ITLN2: variants seen among roughly 807,000 people sequenced by gnomAD.
ITLN2 encodes the protein intelectin 2, also known as intelectin-2.
In ITLN2, 29 loss-of-function variants were observed where a neutral mutation model predicts 39.4. That is an observed-to-expected ratio of 0.74 (90% confidence interval 0.55 to 1.00). The LOEUF (loss-of-function observed/expected upper bound fraction) is 1.00. Ranked by LOEUF, ITLN2 falls within the 50% of genes least tolerant of loss-of-function variation. ITLN2 has a pLI of 0.00. For synonymous variants in ITLN2, 156 were observed against 153.4 expected, an observed-to-expected ratio of 1.02 and a Z score of -0.12; for missense variants, 412 against 416.7, an observed-to-expected ratio of 0.99 and a Z score of 0.10.
In ITLN2 at chr1:160,952,668, G is replaced by C; in HGVS notation, c.145C>G (p.Leu49Val). The change falls in exon 3 of 8, where the codon CTG becomes GTG. Residue 49 changes from leucine to valine, a missense_variant. By Grantham distance (32) the Leu-to-Val change is conservative. Coordinates refer to ENST00000368029, the MANE Select transcript of ITLN2 (RefSeq NM_080878.3). ...TTGATTTCTTTGCAGCTTCTAGGCA[G>C]GGAAGAAAAGGAGAAGGCACAGGTT... ...FETCAFSFSS[L>V]PRSCKEIKER... 1 of 1,614,144 alleles carries C rather than the reference G, an allele frequency of 6.2e-7. No individual in the cohort carries two copies. Among genetic ancestry groups the C allele is most frequent in the Non-Finnish European group, 8.5e-7 (1 of 1,180,002 alleles).
chr1:160,950,134 A>C lies in ITLN2; in HGVS notation c.633T>G (p.Cys211Trp), dbSNP rs368428647. 5.6e-6 allele frequency: 9 copies of C among 1,613,750 alleles called. No individual in the cohort carries two copies. The highest frequency in any genetic ancestry group is 2.2e-5 in the East Asian group (1 of 44,896). Reference protein sequence around the residue: ...KYPVKYRSGKCWNDNGPAIPV... With the variant: ...KYPVKYRSGKWWNDNGPAIPV... ...GTATGGCTGGGCCATTGTCATTCCA[A>C]CATTTCCCTGATCTGTATTTCACTG... The change falls in exon 6 of 8, where the codon TGT becomes TGG. Residue 211 changes from cysteine to tryptophan, a missense_variant. Cys to Trp is a radical substitution (Grantham distance 215). Coordinates refer to ENST00000368029, the MANE Select transcript of ITLN2 (RefSeq NM_080878.3).
chr1:160,945,637 A>C (rs1671584125), intron 7 of ITLN2, among the ~76,000 whole-genome samples: 1 of 152,188 alleles, frequency 6.6e-6, no homozygotes, highest in Non-Finnish European at 1.5e-5. Flanking sequence ...TCCCTCCATG[A>C]GAGAATAGCT....
At chr1:160,952,539 C>G in intron 3 of ITLN2, 81 bp downstream of exon 3, 1 of 942,334 alleles carries the variant, frequency 1.1e-6, no homozygotes, top group East Asian at 2.4e-5. Flanking sequence ...ATGGATATGT[C>G]CCTCCTGATT....
intron 7 of ITLN2, 74 bp from the exon 8 acceptor site, chr1:160,945,366 C>T (rs1671577748): frequency 3.6e-6 from 5 of 1,380,132 alleles, no homozygotes; most frequent in South Asian, 1.6e-5. Flanking sequence ...AGGCTGGTCT[C>T]GAACTCCAGA....
chr1:160,945,252 G>A lies in ITLN2; in HGVS notation c.866C>T (p.Pro289Leu), dbSNP rs763748248. Residue 289 changes from proline to leucine, a missense_variant, in exon 8 of 8, where the codon CCC becomes CTC. Physicochemically the swap from Pro to Leu is moderately conservative, Grantham distance 98. Coordinates refer to ENST00000368029, the MANE Select transcript of ITLN2 (RefSeq NM_080878.3). ...GGGGFFPQGKPRQCGDFSAFD... is the reference protein window; with the variant it reads ...GGGGFFPQGKLRQCGDFSAFD... Reference sequence around the variant, plus strand: ...GGCGGAGAAGTCCCCACACTGACGGGGTTTGCCCTGTGGGAAGAACCCTCC... The same window carrying A: ...GGCGGAGAAGTCCCCACACTGACGGAGTTTGCCCTGTGGGAAGAACCCTCC... The A allele has an allele frequency of 1.2e-5, 19 of 1,595,294 alleles. No individual in the cohort carries two copies. The highest frequency in any genetic ancestry group is 1.6e-5 in the Non-Finnish European group (19 of 1,175,236).
At chr1:160,952,351 G>A (rs1445927836) in intron 3 of ITLN2, among the ~76,000 whole-genome samples, 3 of 152,046 alleles carry the variant, frequency 2.0e-5, no homozygotes, top group East Asian at 1.9e-4. Flanking sequence ...TATAAACCTG[G>A]GGCAAGTAGG....
chr1:160,947,530 C>G (rs1671634051), intron 7 of ITLN2, among the ~76,000 whole-genome samples: 1 of 152,222 alleles, frequency 6.6e-6, no homozygotes, highest in African/African-American at 2.4e-5. Context: ...GAGGCCATAT[C>G]TCAGGCTGTC....
intron 3 of ITLN2, 97 bp downstream of exon 3, chr1:160,952,523 C>G (rs1570976311): frequency 1.2e-6 from 1 of 817,172 alleles, no homozygotes. Context: ...GCAGAACAGG[C>G]TCCATATGGA....
At chr1:160,952,484 C>T (rs1200490937) in intron 3 of ITLN2, 136 bp downstream of exon 3, 3 of 615,890 alleles carry the variant, frequency 4.9e-6, no homozygotes, top group Non-Finnish European at 8.6e-6. Flanking sequence ...AAAATTCCCA[C>T]TAGAAACCTC....
intron 7 of ITLN2, among the ~76,000 whole-genome samples, chr1:160,946,230 G>A (rs1671596725): frequency 6.6e-6 from 1 of 152,124 alleles, no homozygotes; most frequent in Admixed American, 6.5e-5. Flanking sequence ...AGAAACACTT[G>A]AACCCGGGAG....
Position 160,945,233 on chromosome 1 carries a change from G to A in ITLN2, c.885C>T (p.Phe295=), listed in dbSNP as rs1432094290. 1.6e-5 allele frequency: 25 copies of A among 1,607,122 alleles called. No individual in the cohort carries two copies. The highest frequency in any genetic ancestry group is 2.1e-5 in the Non-Finnish European group (25 of 1,178,316). Residue 295 remains phenylalanine, a synonymous_variant, in exon 8 of 8, where the codon TTC becomes TTT. Transcript: ENST00000368029. The stretch of plus-strand genomic sequence containing the variant: ...CATATCCATCCCAGTCAAAGGCGGA[G>A]AAGTCCCCACACTGACGGGGTTTGC... The part of the protein sequence containing the change: ...PQGKPRQCGD[F]SAFDWDGYGT...
At chr1:160,954,308 C>G (rs1671815337) in intron 2 of ITLN2, 79 bp downstream of exon 2, 1 of 1,102,924 alleles carries the variant, frequency 9.1e-7, no homozygotes, top group East Asian at 2.6e-5. Flanking sequence ...AGAGCCCTGC[C>G]CAGCTCTACT....
In ITLN2 at chr1:160,952,536, T is replaced by A; in HGVS notation, c.193+84A>T. ...GGGCAGAACAGGCTCCATATGGATA[T>A]GTCCCTCCTGATTTCCATGACTGGG... is the stretch of plus-strand genomic sequence containing the variant. On this transcript the variant is annotated intron_variant, in intron 3 of 7. Coordinates refer to ENST00000368029, the MANE Select transcript of ITLN2 (RefSeq NM_080878.3). 3.2e-6 allele frequency: 3 copies of A among 925,284 alleles called. No individual in the cohort carries two copies. The South Asian group carries it at 4.1e-5, about 13-fold the overall frequency. The allele number at this position is 925,284 out of a possible 1,614,324, so 57.3% of individuals were successfully genotyped here.
chr1:160,954,668 C>T (rs1671823030), intron 1 of ITLN2, 59 bp downstream of exon 1: 14 of 1,598,344 alleles, frequency 8.8e-6, no homozygotes, highest in Middle Eastern at 1.7e-4. Context: ...ATCTCTAAAA[C>T]TGAGACCTGA....
At chr1:160,953,388 A>G (rs1570977264) in intron 2 of ITLN2, among the ~76,000 whole-genome samples, 1 of 152,178 alleles carries the variant, frequency 6.6e-6, no homozygotes, top group South Asian at 2.1e-4. Context: ...ATCATTCCAA[A>G]AGCCTGGCAG....
chr1:160,950,303 G>A, intron 5 of ITLN2, 137 bp from the exon 6 acceptor site: 1 of 1,011,762 alleles, frequency 9.9e-7, no homozygotes, highest in Non-Finnish European at 1.5e-6. Context: ...CCATAGCTGT[G>A]TCTCCCCAAC....
At chr1:160,952,486 A>G in intron 3 of ITLN2, 134 bp downstream of exon 3, 1 of 619,636 alleles carries the variant, frequency 1.6e-6, no homozygotes, top group Non-Finnish European at 2.9e-6. Context: ...AATTCCCACT[A>G]GAAACCTCCT....
chr1:160,947,881 C>T, intron 7 of ITLN2, 48 bp downstream of exon 7: 1 of 1,248,180 alleles, frequency 8.0e-7, no homozygotes, highest in Non-Finnish European at 1.2e-6. Context: ...AATCTGATCT[C>T]TCTTTCTTTT....
intron 3 of ITLN2, among the ~76,000 whole-genome samples, 193 bp downstream of exon 3, chr1:160,952,427 C>G (rs1247025353): frequency 1.3e-5 from 2 of 152,198 alleles, no homozygotes; most frequent in African/African-American, 4.8e-5. Context: ...ACTGCATTCT[C>G]TCTGTGTTCA....
Sources: allele counts gnomAD v4.1 joint callset (sites outside exome capture counted in the v4.1 genomes callset), GRCh38; gene constraint gnomAD v4.1.1; transcripts MANE v1.5; gene names NCBI Gene and HGNC (gene_info 2026-07-23, HGNC 2026-07-21).